Variants in GAB1 observed in about 807,000 individuals in gnomAD.
The protein encoded by GAB1 is GRB2 associated binding protein 1, also known as GRB2-associated-binding protein 1.
In GAB1, 19 loss-of-function variants were observed where a neutral mutation model predicts 66.5. The ratio of observed to expected loss-of-function variants is 0.29; its 90% confidence interval spans 0.20 to 0.42. GAB1 has a LOEUF of 0.42. Among genes scored for constraint, GAB1 ranks in the 10% least tolerant of loss-of-function variants. GAB1 has a pLI of 1.00. For synonymous variants in GAB1, 294 were observed against 301.4 expected, an observed-to-expected ratio of 0.98 and a Z score of 0.25; for missense variants, 732 against 858.5, an observed-to-expected ratio of 0.85 and a Z score of 1.84.
At chr4:143,419,482 A>ACTTTTCACAAGC (rs1369015818) in intron 2 of GAB1, among the ~76,000 whole-genome samples, 1 of 152,154 alleles carries the variant, frequency 6.6e-6, no homozygotes, top group African/African-American at 2.4e-5. Flanking sequence ...TGACTTGTGA[A>ACTTTTCACAAGC]CTTTTCATCT....
intron 2 of GAB1, among the ~76,000 whole-genome samples, chr4:143,428,294 TG>T (rs937787961): frequency 1.3e-5 from 2 of 152,146 alleles, no homozygotes; most frequent in Non-Finnish European, 2.9e-5. Flanking sequence ...AAATGTGTCT[TG>T]GGGGGTTGTA....
At chr4:143,340,736 A>G (rs1728797824) in intron 1 of GAB1, among the ~76,000 whole-genome samples, 1 of 152,186 alleles carries the variant, frequency 6.6e-6, no homozygotes, top group Non-Finnish European at 1.5e-5. Flanking sequence ...TCCTGACCTC[A>G]GGTGATCCAC....
chr4:143,349,751 G>T (rs1377065243), intron 1 of GAB1: 9 of 1,588,106 alleles, frequency 5.7e-6, no homozygotes, highest in Non-Finnish European at 7.7e-6. Context: ...AGACCGACGT[G>T]GCCATTGTAG....
chr4:143,342,179 A>C (rs923640016), intron 1 of GAB1, among the ~76,000 whole-genome samples: 5 of 151,268 alleles, frequency 3.3e-5, no homozygotes, highest in African/African-American at 1.2e-4. Flanking sequence ...TAAGTGTAGA[A>C]CTCTCCACGT....
chr4:143,354,649 C>A (rs1729368776), intron 1 of GAB1, among the ~76,000 whole-genome samples: 1 of 151,914 alleles, frequency 6.6e-6, no homozygotes, highest in African/African-American at 2.4e-5. Flanking sequence ...ACATATTTGA[C>A]CTTGTAATAT....
chr4:143,455,011 T>C (rs1735108374), intron 6 of GAB1, among the ~76,000 whole-genome samples: 1 of 152,174 alleles, frequency 6.6e-6, no homozygotes, highest in South Asian at 2.1e-4. Context: ...TAATTTTTCA[T>C]AGGCCGTGAT....
chr4:143,369,508 G>A (rs78735461), intron 1 of GAB1, among the ~76,000 whole-genome samples: 364 of 152,320 alleles, frequency 2.4e-3, no homozygotes, highest in African/African-American at 8.2e-3. Flanking sequence ...AAAATATCCT[G>A]TTGCTCTAGT....
chr4:143,372,264 T>A (rs1330465562), intron 1 of GAB1, among the ~76,000 whole-genome samples: 3 of 152,230 alleles, frequency 2.0e-5, no homozygotes, highest in African/African-American at 7.2e-5. Context: ...TGCTAGTTCT[T>A]CCGTTTGCTA....
chr4:143,455,227 G>C (rs1274446552), intron 6 of GAB1, among the ~76,000 whole-genome samples: 1 of 152,162 alleles, frequency 6.6e-6, no homozygotes, highest in Non-Finnish European at 1.5e-5. Context: ...TGTACCTAAA[G>C]ATCCAGGATA....
chr4:143,350,408 G>A (rs1729153833), intron 1 of GAB1, among the ~76,000 whole-genome samples: 1 of 152,168 alleles, frequency 6.6e-6, no homozygotes, highest in Non-Finnish European at 1.5e-5. Context: ...GCTGGGCGCA[G>A]TGGCTCACCC....
intron 1 of GAB1, among the ~76,000 whole-genome samples, chr4:143,406,824 GT>G (rs1289936351): frequency 1.3e-5 from 2 of 152,232 alleles, no homozygotes; most frequent in African/African-American, 4.8e-5. Flanking sequence ...GGGTAAGAAA[GT>G]TTGCAAAACC....
intron 6 of GAB1, among the ~76,000 whole-genome samples, chr4:143,456,285 A>G (rs931902262): frequency 5.5e-4 from 83 of 152,126 alleles, no homozygotes; most frequent in Non-Finnish European, 4.0e-4. Context: ...GTGAAACCCC[A>G]CCTCTACTAA....
At chr4:143,450,775 C>G (rs777538989) in intron 6 of GAB1, among the ~76,000 whole-genome samples, 1 of 152,000 alleles carries the variant, frequency 6.6e-6, no homozygotes, top group African/African-American at 2.4e-5. Flanking sequence ...CCTGTAATCC[C>G]AGCTACTTGG....
At chr4:143,465,400 CTTCACTCT>C (rs1560790271) in intron 8 of GAB1, among the ~76,000 whole-genome samples, 1 of 152,134 alleles carries the variant, frequency 6.6e-6, no homozygotes, top group Non-Finnish European at 1.5e-5. Flanking sequence ...CCAGAGTTGT[CTTCACTCT>C]GCTCTCTTTA....
At chr4:143,430,418 G>A (rs1050144691) in intron 2 of GAB1, among the ~76,000 whole-genome samples, 2 of 152,102 alleles carry the variant, frequency 1.3e-5, no homozygotes, top group African/African-American at 2.4e-5. Context: ...ACCTGAAGAA[G>A]ATTAAACATC....
At chr4:143,448,173 G>T (rs1734674213) in intron 6 of GAB1, among the ~76,000 whole-genome samples, 1 of 151,826 alleles carries the variant, frequency 6.6e-6, no homozygotes, top group African/African-American at 2.4e-5. Flanking sequence ...TTTTTGATGT[G>T]CTGCTGAATT....
At chr4:143,363,424 A>G (rs1231932561) in intron 1 of GAB1, among the ~76,000 whole-genome samples, 1 of 152,186 alleles carries the variant, frequency 6.6e-6, no homozygotes, top group East Asian at 1.9e-4. Context: ...ATAGGACCTA[A>G]TGAAACATGA....
At chr4:143,463,941 AC>A (rs1189403576) in intron 8 of GAB1, among the ~76,000 whole-genome samples, 1 of 152,226 alleles carries the variant, frequency 6.6e-6, no homozygotes, top group Non-Finnish European at 1.5e-5. Flanking sequence ...TGCAGGTCTT[AC>A]AAATTTATGC....
chr4:143,433,253 C>G (rs1390739819), intron 2 of GAB1, among the ~76,000 whole-genome samples: 1 of 152,134 alleles, frequency 6.6e-6, no homozygotes, highest in Non-Finnish European at 1.5e-5. Flanking sequence ...AAAGGTTAGC[C>G]ATGGCTTTTT....
Sources: gnomAD v4.1 joint callset for allele counts (sites outside exome capture counted in the v4.1 genomes callset) on GRCh38, gnomAD v4.1.1 for gene constraint, MANE v1.5 for transcripts, NCBI Gene and HGNC (gene_info 2026-07-23, HGNC 2026-07-21) for gene names.